The following CP variants were observed in gnomAD, a reference collection of about 807,000 sequenced individuals.
CP encodes ceruloplasmin.
Under a neutral mutation model 122.4 loss-of-function variants are expected in CP, and 64 were observed. The observed-to-expected ratio is 0.52, with a 90% confidence interval of 0.43 to 0.64. The LOEUF is 0.64. CP is among the 30% of genes least tolerant of loss of function. The pLI is 0.00. For missense variants in CP, 1,167 were observed against 1,284.4 expected (o/e 0.91, Z 1.40); for synonymous variants, 440 against 436.4 (o/e 1.01, Z -0.10).
At chr3:149,196,129 T>C (rs565701765) in intron 9 of CP, among the ~76,000 whole-genome samples, 2 of 152,308 alleles carry the variant, frequency 1.3e-5, no homozygotes, top group African/African-American at 4.8e-5. Flanking sequence ...CTTAAACTGT[T>C]TTCAGTAATC....
intron 6 of CP, 115 bp downstream of exon 6, chr3:149,206,053 C>A (rs1727688043): frequency 2.2e-6 from 2 of 899,844 alleles, no homozygotes; most frequent in South Asian, 1.5e-5. Context: ...ATTTAGCAGT[C>A]TAGTTACTCA....
At chr3:149,195,858 A>G (rs111381309) in intron 9 of CP, among the ~76,000 whole-genome samples, 9,725 of 147,544 alleles carry the variant, frequency 0.066, 1,090 homozygotes, top group African/African-American at 0.23. Context: ...AGAGCGAGAC[A>G]CCGTCTCAAA....
At chr3:149,199,550 G>A (rs1254633096) in intron 8 of CP, among the ~76,000 whole-genome samples, 162 bp downstream of exon 8, 3 of 152,178 alleles carry the variant, frequency 2.0e-5, no homozygotes, top group Non-Finnish European at 4.4e-5. Context: ...CCAATTGGAG[G>A]TAGGAGAAGG....
At chr3:149,163,983 G>A in intron 5 of CP, 1 of 1,036,282 alleles carries the variant, frequency 9.6e-7, no homozygotes, top group African/African-American at 1.6e-5. Context: ...TTATGAAATT[G>A]CATATTACAA....
At chr3:149,190,691 CCCCATAAACAACAAAA>C (rs1481352492) in intron 9 of CP, among the ~76,000 whole-genome samples, 6 of 150,500 alleles carry the variant, frequency 4.0e-5, no homozygotes, top group Non-Finnish European at 8.9e-5. Context: ...AGGGGGGGAA[CCCCATAAACAACAAAA>C]CTACTCCTTT....
At chr3:149,189,781 G>A (rs888555422) in intron 9 of CP, among the ~76,000 whole-genome samples, 2 of 151,982 alleles carry the variant, frequency 1.3e-5, no homozygotes, top group Admixed American at 6.6e-5. Context: ...CAGAGAAAAC[G>A]TCAATGAAAT....
chr3:149,173,935 A>T (rs926101560), intron 18 of CP, among the ~76,000 whole-genome samples: 2 of 152,158 alleles, frequency 1.3e-5, no homozygotes, highest in African/African-American at 4.8e-5. Flanking sequence ...CAAGATCTTT[A>T]TTAATTGTAA....
intron 15 of CP, among the ~76,000 whole-genome samples, chr3:149,179,021 A>G (rs912132523): frequency 3.3e-5 from 5 of 152,224 alleles, no homozygotes; most frequent in African/African-American, 1.2e-4. Flanking sequence ...AATAATAAAT[A>G]GGACCACAAA....
In CP at chr3:149,198,340, A is replaced by C. The variant is rs767705828; in HGVS notation, c.1713+27T>G. 7.6e-6 allele frequency: 12 copies of C among 1,572,612 alleles called. No individual in the cohort carries two copies. In the African/African-American group the frequency reaches 1.5e-4, roughly 19 times the overall value. On this transcript the variant is annotated intron_variant, in intron 9 of 18. Coordinates refer to ENST00000264613, the MANE Select transcript of CP (RefSeq NM_000096.4). ...ATGATCATTTTCAAAGAGATTGAAC[A>C]ATTTTTTTTTCCCCAGTTGGACTTA... is the stretch of plus-strand genomic sequence containing the variant.
chr3:149,207,509 G>A lies in CP; in HGVS notation c.890C>T (p.Ala297Val). ...AGTCAGTGCTTGCCCGTGAAAGAAA[G>A]CTGCGTGCACATCAACTTCATTACC... ...GMGNEVDVHAAFFHGQALTNK... is the reference protein window; with the variant it reads ...GMGNEVDVHAVFFHGQALTNK... Residue 297 changes from alanine to valine, a missense_variant, in exon 5 of 19, where the codon GCT becomes GTT. By Grantham distance (64) the Ala-to-Val change is moderately conservative. This residue lies in a region of CP where 642 missense variants were observed against 627.3 expected (regional missense o/e 1.02). Transcript: ENST00000264613. The A allele has an allele frequency of 1.2e-6, 2 of 1,613,964 alleles. No homozygotes were observed. The highest frequency in any genetic ancestry group is 1.7e-6 in the Non-Finnish European group (2 of 1,179,872).
In CP at chr3:149,163,887, G is replaced by A. The variant is rs150765088; in HGVS notation, c.*14-1012C>T. 6.2e-4 allele frequency: 986 copies of A among 1,586,202 alleles called. 17 individuals are homozygous for A. The South Asian group carries it at 0.01, about 17-fold the overall frequency. ...TGGCTTAATTTATCCATGGGTTCAC[G>A]TCGTAATATCATCTGATTCTTTAGC... On this transcript the variant is annotated intron_variant, in intron 5 of 5. Coordinates refer to the CP transcript ENST00000479771.
chr3:149,196,006 A>G (rs1007960667), intron 9 of CP, among the ~76,000 whole-genome samples: 1 of 152,238 alleles, frequency 6.6e-6, no homozygotes, highest in African/African-American at 2.4e-5. Flanking sequence ...CCGTATATCC[A>G]GTGGTGGCAA....
At chr3:149,215,999 C>A (rs1260837549) in intron 1 of CP, among the ~76,000 whole-genome samples, 1 of 152,172 alleles carries the variant, frequency 6.6e-6, no homozygotes, top group Non-Finnish European at 1.5e-5. Flanking sequence ...ATTAATAATG[C>A]TATTCCCTCC....
chr3:149,215,896 A>G (rs1394563347), intron 1 of CP, among the ~76,000 whole-genome samples: 1 of 152,202 alleles, frequency 6.6e-6, no homozygotes, highest in African/African-American at 2.4e-5. Context: ...TTAAAAAAAG[A>G]AAAGCCCGCT....
chr3:149,216,861 G>C (rs909558550), intron 1 of CP, among the ~76,000 whole-genome samples: 18 of 150,334 alleles, frequency 1.2e-4, no homozygotes, highest in African/African-American at 3.7e-4. Flanking sequence ...GCTGTCTTGT[G>C]TGAAGTGTTT....
intron 9 of CP, among the ~76,000 whole-genome samples, chr3:149,188,490 CA>C (rs60815739): frequency 0.034 from 1,581 of 46,004 alleles, 33 homozygotes; most frequent in African/African-American, 0.061. Context: ...TTGAAGCCTC[CA>C]AAAAAAAAAA....
At chr3:149,170,817 G>T (rs1429375798), downstream of CP, among the ~76,000 whole-genome samples, 1 of 152,190 alleles carries the variant, frequency 6.6e-6, no homozygotes, top group Non-Finnish European at 1.5e-5. Context: ...CACAGGGAAT[G>T]GCACTGACAT....
chr3:149,185,229 G>A lies in CP; in HGVS notation c.2285+10C>T. ...CTGCTGAAATTGGGAATCAGAGTCT[G>A]GAGAATTACTTCTGCTCTTGTAAAT... On this transcript the variant is annotated intron_variant, in intron 12 of 18. Transcript: ENST00000264613. The A allele has an allele frequency of 6.2e-7, 1 of 1,611,518 alleles. No homozygotes were observed. Among genetic ancestry groups the A allele is most frequent in the South Asian group, 1.1e-5 (1 of 90,960 alleles).
At chr3:149,207,828 C>T (rs946931835) in intron 4 of CP, among the ~76,000 whole-genome samples, 10 of 152,120 alleles carry the variant, frequency 6.6e-5, no homozygotes, top group African/African-American at 2.2e-4. Flanking sequence ...CTTATCAATA[C>T]CATATTAACA....
Sources: allele counts gnomAD v4.1 joint callset (sites outside exome capture counted in the v4.1 genomes callset), GRCh38; gene constraint gnomAD v4.1.1; regional missense constraint gnomAD v4.1.1; transcripts MANE v1.5; gene names NCBI Gene and HGNC (gene_info 2026-07-23, HGNC 2026-07-21).